Variants in PRDM10 observed in about 807,000 individuals in gnomAD.
The protein encoded by PRDM10 is PR domain zinc finger protein 10.
In PRDM10, 65 loss-of-function variants were observed where a neutral mutation model predicts 133.1. The observed-to-expected ratio is 0.49, with a 90% CI of 0.40 to 0.60. The LOEUF is 0.60. Ranked by LOEUF, PRDM10 falls within the 20% of genes least tolerant of loss-of-function variation. The pLI is 0.00. For synonymous variants in PRDM10, 582 were observed against 580.4 expected (o/e 1.00, Z -0.04); for missense variants, 1,137 against 1,507.1 (o/e 0.75, Z 4.07).
chr11:129,914,062 T>A (rs1950275591), intron 17 of PRDM10, among the ~76,000 whole-genome samples: 1 of 152,118 alleles, frequency 6.6e-6, no homozygotes, highest in South Asian at 2.1e-4. Context: ...AGTGCAATGG[T>A]GTGATCTCAG....
chr11:129,982,827 G>C (rs1315069611), intron 1 of PRDM10, among the ~76,000 whole-genome samples: 1 of 151,966 alleles, frequency 6.6e-6, no homozygotes, highest in Non-Finnish European at 1.5e-5. Flanking sequence ...GGGCATGGTG[G>C]TGCACACCTA....
intron 1 of PRDM10, among the ~76,000 whole-genome samples, chr11:129,971,772 C>T (rs951624085): frequency 5.9e-5 from 9 of 152,270 alleles, no homozygotes; most frequent in African/African-American, 7.2e-5. Flanking sequence ...TGGCTTCACC[C>T]AGTGGATCCC....
intron 1 of PRDM10, among the ~76,000 whole-genome samples, chr11:129,972,628 T>A (rs995144879): frequency 1.3e-5 from 2 of 152,182 alleles, no homozygotes; most frequent in African/African-American, 2.4e-5. Context: ...CTGAGACTTC[T>A]AACACTCTTA....
intron 4 of PRDM10, among the ~76,000 whole-genome samples, chr11:129,954,518 G>A: frequency 6.6e-6 from 1 of 151,956 alleles, no homozygotes. Context: ...GCCCACCTCA[G>A]CCTCTGAAAG....
Position 129,944,952 on chromosome 11 carries a change from G to C in PRDM10, c.581C>G (p.Pro194Arg). 2 of 1,613,686 alleles carry C rather than the reference G, an allele frequency of 1.2e-6. No individual in the cohort carries two copies. Among genetic ancestry groups the C allele is most frequent in the Non-Finnish European group, 8.5e-7 (1 of 1,179,910 alleles). Residue 194 changes from proline (P) to arginine (R), a missense_variant, in exon 6 of 21, where the codon CCG becomes CGG. Coordinates refer to ENST00000360871, the MANE Select transcript of PRDM10 (RefSeq NM_199437.2). ...GGTGAGCACCGGCCGGTTGGGGATCGGGTGCAAGGGGCCGTGCTTCGGACA... is the reference window on the plus strand; with the variant it reads ...GGTGAGCACCGGCCGGTTGGGGATCCGGTGCAAGGGGCCGTGCTTCGGACA... Reference protein sequence around the residue: ...SVCPKHGPLHPIPNRPVLTRA... With the variant: ...SVCPKHGPLHRIPNRPVLTRA...
chr11:129,967,150 G>A (rs1436532401), intron 1 of PRDM10, among the ~76,000 whole-genome samples: 1 of 152,166 alleles, frequency 6.6e-6, no homozygotes, highest in Non-Finnish European at 1.5e-5. Context: ...CAACACTTTG[G>A]GAGGCCGAGG....
chr11:129,975,904 G>T (rs1220795359), intron 1 of PRDM10, among the ~76,000 whole-genome samples: 1 of 152,182 alleles, frequency 6.6e-6, no homozygotes, highest in Non-Finnish European at 1.5e-5. Flanking sequence ...TCAAACCCCA[G>T]TCTCACTATC....
intron 1 of PRDM10, among the ~76,000 whole-genome samples, chr11:129,977,466 T>C (rs1937840959): frequency 6.6e-6 from 1 of 152,104 alleles, no homozygotes; most frequent in African/African-American, 2.4e-5. Context: ...GTATTTTTAG[T>C]AGAGACTGGG....
Position 129,931,173 on chromosome 11 carries a change from GT to G in PRDM10, c.1372del (p.Thr458LeufsTer41), listed in dbSNP as rs1950844441. The stretch of plus-strand genomic sequence containing the variant: ...CTGTGGCAGCTGAGGGATTGGGATA[GT>G]GGTCTGTTCTGGTTGATCCAGCCCA... ...LNGLDQPEQT[T>X]IPIPQLPQET... On this transcript the variant is annotated frameshift_variant, in exon 11 of 21. Coordinates refer to ENST00000360871, the MANE Select transcript of PRDM10 (RefSeq NM_199437.2). LOFTEE classifies it high-confidence loss of function. The G allele has an allele frequency of 6.2e-7, 1 of 1,614,098 alleles. No homozygotes were observed. The highest frequency in any genetic ancestry group is 8.5e-7 in the Non-Finnish European group (1 of 1,180,010).
chr11:129,951,982 T>C (rs367792359), intron 4 of PRDM10, among the ~76,000 whole-genome samples: 109 of 152,044 alleles, frequency 7.2e-4, no homozygotes, highest in African/African-American at 2.6e-3. Context: ...TCTAACTTTC[T>C]ATCCAGAATT....
rs1341890186 is a variant in PRDM10, at chr11:129,942,436, T to C, written c.956A>G (p.Gln319Arg). The C allele has an allele frequency of 6.2e-7, 1 of 1,613,906 alleles. No homozygotes were observed. Among genetic ancestry groups the C allele is most frequent in the African/African-American group, 1.3e-5 (1 of 74,906 alleles). Residue 319 changes from glutamine to arginine, a missense_variant, in exon 7 of 21, where the codon CAG becomes CGG. Gln to Arg is a conservative substitution (Grantham distance 43, BLOSUM62 1). Around this residue, in one of 6 missense-constraint regions of PRDM10, gnomAD observed 635 missense variants for 835.2 expected, o/e 0.76. Transcript: ENST00000360871. ...CAGGCAGCACTGTACCTTCAGTTCC[T>C]GCTTGGGCTCCACATTTTTTATGGT... ...YTTIKNVEPKQELKVWYAASY... is the reference protein window; with the variant it reads ...YTTIKNVEPKRELKVWYAASY...
chr11:129,980,111 C>T (rs537803391), intron 1 of PRDM10, among the ~76,000 whole-genome samples: 208 of 152,312 alleles, frequency 1.4e-3, no homozygotes, highest in Non-Finnish European at 2.5e-3. Context: ...GTAAAGGGTG[C>T]AACCACTTTG....
At chr11:129,983,458 C>G (rs1938234592) in intron 1 of PRDM10, among the ~76,000 whole-genome samples, 1 of 152,068 alleles carries the variant, frequency 6.6e-6, no homozygotes, top group Non-Finnish European at 1.5e-5. Context: ...CCGCGCCCAG[C>G]TAATTTTGTT....
chr11:129,963,241 C>A (rs1460969326), intron 1 of PRDM10, among the ~76,000 whole-genome samples: 1 of 151,682 alleles, frequency 6.6e-6, no homozygotes, highest in Non-Finnish European at 1.5e-5. Flanking sequence ...ACATAAAAGG[C>A]TCAGTAATTA....
At position 129,945,692 on chromosome 11, in the gene PRDM10, C is replaced by T. The variant is rs923513029; in HGVS notation, c.521-680G>A. Among the ~76,000 whole-genome samples, 2 of 152,182 alleles carry T rather than the reference C, an allele frequency of 1.3e-5. No homozygotes were observed. The highest frequency in any genetic ancestry group is 4.8e-5 in the African/African-American group (2 of 41,442). On this transcript the variant is annotated intron_variant, in intron 5 of 20. Coordinates refer to ENST00000360871, the MANE Select transcript of PRDM10 (RefSeq NM_199437.2). This position sits in a 1 kb window ranked among gnomAD's most constrained non-coding sequence, Gnocchi z 4.2. ...GCCCTGCCTCTTTGCCAGGAGCACC[C>T]ACCTGTAAGCTAACCGCCAGAACGA...
intron 1 of PRDM10, among the ~76,000 whole-genome samples, chr11:129,971,490 T>C (rs974059727): frequency 6.6e-6 from 1 of 152,110 alleles, no homozygotes; most frequent in Non-Finnish European, 1.5e-5. Context: ...AGAGTGTCCA[T>C]TGGTGCACTC....
Position 129,942,432 on chromosome 11 carries a change from T to C in PRDM10, c.960A>G (p.Glu320=), listed in dbSNP as rs1951242131. Residue 320 remains glutamate (E), a synonymous_variant, in exon 7 of 21, where the codon GAA becomes GAG. Transcript: ENST00000360871. ...TTIKNVEPKQ[E]LKVWYAASYA... ...GGGTCAGGCAGCACTGTACCTTCAG[T>C]TCCTGCTTGGGCTCCACATTTTTTA... 1.9e-6 allele frequency: 3 copies of C among 1,613,848 alleles called. No homozygotes were observed. The highest frequency in any genetic ancestry group is 2.5e-6 in the Non-Finnish European group (3 of 1,179,882).
chr11:129,946,171 C>A (rs1030846938), intron 5 of PRDM10, among the ~76,000 whole-genome samples: 3 of 151,892 alleles, frequency 2.0e-5, no homozygotes, highest in African/African-American at 7.3e-5. Context: ...ATTGCTTGAA[C>A]CTGGGAGGCA....
intron 17 of PRDM10, among the ~76,000 whole-genome samples, chr11:129,913,337 C>T (rs776133498): frequency 1.3e-5 from 2 of 151,646 alleles, no homozygotes; most frequent in Non-Finnish European, 2.9e-5. Flanking sequence ...ACCTAGAACA[C>T]GCCATACAAC....
Sources: allele counts gnomAD v4.1 joint callset (sites outside exome capture counted in the v4.1 genomes callset), GRCh38; gene constraint gnomAD v4.1.1; regional missense constraint gnomAD v4.1.1; non-coding constraint Gnocchi (gnomAD v3.1); transcripts MANE v1.5; gene names NCBI Gene and HGNC (gene_info 2026-07-23, HGNC 2026-07-21).